TRAF2: variants seen among roughly 807,000 people sequenced by gnomAD.
TRAF2 encodes TNF receptor associated factor 2.
Under a neutral mutation model 55.6 loss-of-function variants are expected in TRAF2, and 6 were observed. The observed-to-expected ratio is 0.11, with a 90% CI of 0.06 to 0.21. The LOEUF (loss-of-function observed/expected upper bound fraction) is 0.21, where lower values mean the gene tolerates loss of function less well. Ranked by LOEUF, TRAF2 falls within the 10% of genes least tolerant of loss-of-function variation. The pLI is 1.00. For missense variants in TRAF2, 561 were observed against 684.5 expected (o/e 0.82, Z 2.01); for synonymous variants, 329 against 276.3 (o/e 1.19, Z -1.89).
rs17244313 is a variant in TRAF2, at chr9:136,926,599, T to TA, written c.*698_*699insA. 0.13 allele frequency: 20,549 copies of TA among 159,704 alleles called. 1,433 individuals are homozygous for TA. Among genetic ancestry groups the TA allele is most frequent in the African/African-American group, 0.19 (7,932 of 41,594 alleles). 9.9% of individuals were successfully genotyped at this position (159,704 alleles called of 1,614,324 possible). On this transcript the variant is annotated 3_prime_UTR_variant, in exon 11 of 11. Coordinates refer to ENST00000247668, the MANE Select transcript of TRAF2 (RefSeq NM_021138.4). ...CACGAAGACAGAGTTATTAAACCAT[T>TA]CAAATCTCTGTGGTCAGTGGCATCC...
At chr9:136,908,284 TG>T in intron 5 of TRAF2, 53 bp downstream of exon 5, 1 of 1,494,996 alleles carries the variant, frequency 6.7e-7, no homozygotes, top group East Asian at 2.5e-5. Flanking sequence ...GGGGCTGAGC[TG>T]GGGAGCTGCG....
At chr9:136,896,791 A>C (rs1849689796) in intron 1 of TRAF2, among the ~76,000 whole-genome samples, 1 of 151,986 alleles carries the variant, frequency 6.6e-6, no homozygotes, top group Admixed American at 6.6e-5. Context: ...TGTATTTTTA[A>C]TAGAGACGGG....
At chr9:136,884,942 C>T (rs998023050), upstream of TRAF2, among the ~76,000 whole-genome samples, 1 of 152,226 alleles carries the variant, frequency 6.6e-6, no homozygotes, top group Non-Finnish European at 1.5e-5. Flanking sequence ...CGCCTTCTTA[C>T]GTTTGAGAGC....
At chr9:136,905,273 T>C (rs1849919669) in intron 4 of TRAF2, among the ~76,000 whole-genome samples, 1 of 152,194 alleles carries the variant, frequency 6.6e-6, no homozygotes, top group African/African-American at 2.4e-5. Context: ...TCTCTCCGGG[T>C]TGTGCCCATC....
Position 136,910,003 on chromosome 9 carries a change from CCTT to C in TRAF2, c.603+11_603+13del. 6.2e-7 allele frequency: 1 copy of C among 1,612,938 alleles called. No individual in the cohort carries two copies. Among genetic ancestry groups the C allele is most frequent in the Non-Finnish European group, 8.5e-7 (1 of 1,179,522 alleles). ...AGATCCCCCGGGAGAAGGTGAGTGTCCTTCACCTCCTTGGAGGACCGCAGGGCG... is the reference window on the plus strand; with the variant it reads ...AGATCCCCCGGGAGAAGGTGAGTGTCCACCTCCTTGGAGGACCGCAGGGCG... On this transcript the variant is annotated intron_variant, in intron 6 of 10. Coordinates refer to ENST00000247668, the MANE Select transcript of TRAF2 (RefSeq NM_021138.4).
chr9:136,908,827 G>A (rs1172421155), intron 5 of TRAF2, among the ~76,000 whole-genome samples: 2 of 137,186 alleles, frequency 1.5e-5, no homozygotes, highest in Non-Finnish European at 3.0e-5. Flanking sequence ...CCGAGATTGC[G>A]CCACTGCACT....
upstream of TRAF2, among the ~76,000 whole-genome samples, chr9:136,884,988 C>T (rs1372073405): frequency 6.6e-6 from 1 of 152,192 alleles, no homozygotes; most frequent in East Asian, 1.9e-4. Flanking sequence ...CCTCACTGAG[C>T]CTGCAGGTGC....
rs201675834 is a variant in TRAF2 at position 136,923,971 on chromosome 9, G to T, written c.1258G>T (p.Ala420Ser). 6 of 1,613,682 alleles carry T rather than the reference G, an allele frequency of 3.7e-6. No individual in the cohort carries two copies. Among genetic ancestry groups the T allele is most frequent in the Non-Finnish European group, 5.1e-6 (6 of 1,179,970 alleles). ...TGTGGTGATGAAGGGCCCGAATGAC[G>T]CCCTGCTGCGGTGGCCCTTCAACCA... is the stretch of plus-strand genomic sequence containing the variant. ...FFVVMKGPND[A>S]LLRWPFNQKV... The change falls in exon 10 of 11, where the codon GCC becomes TCC. Residue 420 changes from alanine to serine, a missense_variant. Ala to Ser is a moderately conservative substitution (Grantham distance 99). This residue lies in a region of TRAF2 where 135 missense variants were observed against 207.7 expected (regional missense o/e 0.65). Coordinates refer to ENST00000247668, the MANE Select transcript of TRAF2 (RefSeq NM_021138.4).
intron 1 of TRAF2, among the ~76,000 whole-genome samples, chr9:136,895,622 AG>A (rs1191209889): frequency 6.6e-6 from 1 of 152,180 alleles, no homozygotes; most frequent in Admixed American, 6.5e-5. Flanking sequence ...TGGGAGGGCA[AG>A]GTTGGATCAC....
At chr9:136,911,846 CTT>C (rs71492143) in intron 6 of TRAF2, among the ~76,000 whole-genome samples, 14 of 71,450 alleles carry the variant, frequency 2.0e-4, no homozygotes, top group South Asian at 1.4e-3. Context: ...TCTCTTATCT[CTT>C]TTTTTTTTTT....
At chr9:136,921,424 AG>A (rs1444050209) in intron 9 of TRAF2, among the ~76,000 whole-genome samples, 6 of 151,782 alleles carry the variant, frequency 4.0e-5, no homozygotes, top group Non-Finnish European at 7.4e-5. Context: ...GGGTCGGGGT[AG>A]GGGGGTTGGG....
chr9:136,906,068 C>T (rs1045778054), intron 4 of TRAF2, among the ~76,000 whole-genome samples: 21 of 152,082 alleles, frequency 1.4e-4, no homozygotes, highest in South Asian at 4.1e-4. Context: ...GCCGAGATCG[C>T]GCCACTGCAC....
chr9:136,924,926 A>G (rs1850488880), intron 10 of TRAF2, among the ~76,000 whole-genome samples: 1 of 152,020 alleles, frequency 6.6e-6, no homozygotes, highest in Non-Finnish European at 1.5e-5. Flanking sequence ...TTTAGTAGAG[A>G]TGGGGTTTCT....
chr9:136,894,576 CA>C (rs1212145285), intron 1 of TRAF2, among the ~76,000 whole-genome samples: 4 of 151,634 alleles, frequency 2.6e-5, no homozygotes, highest in Non-Finnish European at 4.4e-5. Flanking sequence ...CAGAGGAGAG[CA>C]GGGGGATTGG....
rs71492143 is a variant in TRAF2 at position 136,911,846 on chromosome 9, C to CTTTTTTTTTTTTTTTT, written c.603+1858_603+1873dup. On this transcript the variant is annotated intron_variant, in intron 6 of 10. Coordinates refer to ENST00000247668, the MANE Select transcript of TRAF2 (RefSeq NM_021138.4). ...GCGTGCTTGGGATTTTCTCTTATCT[C>CTTTTTTTTTTTTTTTT]TTTTTTTTTTTTTTTTTTTTTGAGA... Among the ~76,000 whole-genome samples the CTTTTTTTTTTTTTTTT allele has an allele frequency of 5.0e-4, 36 of 71,450 alleles. 5 individuals are homozygous for CTTTTTTTTTTTTTTTT. The highest frequency in any genetic ancestry group is 2.1e-3 in the South Asian group (3 of 1,448). The allele number at this position is 71,450 out of a possible 152,430, so 46.9% of individuals were successfully genotyped here. A position where few individuals can be genotyped will look rare whatever the true frequency, so the allele number is the denominator to read the frequency against.
intron 5 of TRAF2, among the ~76,000 whole-genome samples, chr9:136,908,856 C>T (rs1300010777): frequency 2.6e-4 from 32 of 121,974 alleles, no homozygotes; most frequent in Non-Finnish European, 1.4e-4. Context: ...GGCGACAGAG[C>T]GAGATTCCGT....
intron 10 of TRAF2, among the ~76,000 whole-genome samples, chr9:136,924,948 A>T (rs187079907): frequency 1.4e-4 from 21 of 152,206 alleles, no homozygotes; most frequent in Non-Finnish European, 2.6e-4. Context: ...CATGTTGGCC[A>T]GGCTGGTCTT....
intron 6 of TRAF2, among the ~76,000 whole-genome samples, chr9:136,910,475 C>A (rs1046333560): frequency 6.6e-6 from 1 of 152,216 alleles, no homozygotes; most frequent in African/African-American, 2.4e-5. Context: ...AAAATGGTTT[C>A]TCTCCCAGTT....
chr9:136,896,350 C>T (rs553371763), intron 1 of TRAF2, among the ~76,000 whole-genome samples: 109 of 152,232 alleles, frequency 7.2e-4, no homozygotes, highest in Non-Finnish European at 1.3e-3. Flanking sequence ...TGCGAAGGAG[C>T]AGTGGGTTTC....
Sources: gnomAD v4.1 joint callset for allele counts (sites outside exome capture counted in the v4.1 genomes callset) on GRCh38, gnomAD v4.1.1 for gene constraint, gnomAD v4.1.1 regional missense constraint, MANE v1.5 for transcripts, NCBI Gene and HGNC (gene_info 2026-07-23, HGNC 2026-07-21) for gene names.